DSE: variants seen among roughly 807,000 people sequenced by gnomAD.
DSE encodes dermatan sulfate epimerase.
Under a neutral mutation model 84.4 loss-of-function variants are expected in DSE, and 36 were observed. The ratio of observed to expected loss-of-function variants is 0.43; its 90% CI spans 0.33 to 0.56. The LOEUF is 0.56. DSE is among the 20% of genes least tolerant of loss of function. DSE has a pLI of 0.06. For synonymous variants in DSE, 410 were observed against 430.1 expected (o/e 0.95, Z 0.58); for missense variants, 862 against 1,169.6 (o/e 0.74, Z 3.84).
chr6:116,257,873 C>T (rs565028039), intron 1 of DSE, among the ~76,000 whole-genome samples: 4 of 152,252 alleles, frequency 2.6e-5, no homozygotes, highest in African/African-American at 9.6e-5. Context: ...GGGACAAAAA[C>T]ACTCAGTCTA....
chr6:116,277,636 G>A (rs1031015388), intron 2 of DSE: 1 of 151,404 alleles, frequency 6.6e-6, no homozygotes, highest in Admixed American at 6.6e-5. Flanking sequence ...AAATGTTTCT[G>A]AGCTATCACT....
intron 2 of DSE, chr6:116,279,000 GC>G: frequency 6.2e-7 from 1 of 1,614,158 alleles, no homozygotes; most frequent in Non-Finnish European, 8.5e-7. Flanking sequence ...TCATCCAGAA[GC>G]CCGGGATATT....
chr6:116,299,187 G>A (rs759244234), intron 2 of DSE, among the ~76,000 whole-genome samples: 8 of 152,196 alleles, frequency 5.3e-5, no homozygotes, highest in African/African-American at 1.9e-4. Flanking sequence ...TTTCTGATGT[G>A]ACCTAGAAAT....
intron 2 of DSE, among the ~76,000 whole-genome samples, chr6:116,334,418 C>T (rs1177602656): frequency 3.3e-5 from 5 of 152,190 alleles, no homozygotes; most frequent in African/African-American, 9.6e-5. Context: ...GCCCACATTT[C>T]ACAAACTATA....
At chr6:116,373,818 C>T (rs1175483956) in intron 1 of DSE, among the ~76,000 whole-genome samples, 1 of 152,034 alleles carries the variant, frequency 6.6e-6, no homozygotes, top group Non-Finnish European at 1.5e-5. Context: ...AATATTTATA[C>T]ATTTCTTAAT....
intron 1 of DSE, among the ~76,000 whole-genome samples, chr6:116,386,770 C>T (rs80333854): frequency 8.4e-4 from 128 of 152,246 alleles, no homozygotes; most frequent in African/African-American, 2.8e-3. Context: ...TCCAAGGGCT[C>T]GTCTCTCATG....
intron 1 of DSE, among the ~76,000 whole-genome samples, chr6:116,396,891 G>A (rs543496573): frequency 2.5e-4 from 38 of 152,294 alleles, no homozygotes; most frequent in African/African-American, 4.8e-4. Flanking sequence ...CCTTACCCAC[G>A]TTTGGGGAAG....
chr6:116,396,564 G>T (rs1781262388), intron 1 of DSE, among the ~76,000 whole-genome samples: 1 of 152,164 alleles, frequency 6.6e-6, no homozygotes, highest in South Asian at 2.1e-4. Flanking sequence ...TGACTCCCTT[G>T]CACGAATTCA....
chr6:116,351,039 A>G (rs955115374), intron 2 of DSE, among the ~76,000 whole-genome samples: 1 of 152,188 alleles, frequency 6.6e-6, no homozygotes, highest in Admixed American at 6.5e-5. Context: ...AAAGCTCCCA[A>G]ATTGACTAAT....
chr6:116,381,613 A>G (rs1398530281), intron 1 of DSE, among the ~76,000 whole-genome samples: 3 of 152,164 alleles, frequency 2.0e-5, no homozygotes. Context: ...CAAATTATAC[A>G]AGTAACTGCA....
rs1388437537 is a variant in DSE, at chr6:116,444,306, A to C, written c.*6961A>C. On this transcript the variant is annotated 3_prime_UTR_variant, in exon 6 of 6. Coordinates refer to ENST00000644252, the MANE Select transcript of DSE (RefSeq NM_013352.4). The stretch of plus-strand genomic sequence containing the variant: ...CACTGCCCTTAGGTGGCTCACTCTT[A>C]GAAGACACAAAGTCACTGGACTACA... 1 of 152,218 alleles carries C rather than the reference A, an allele frequency of 6.6e-6. No homozygotes were observed. The highest frequency in any genetic ancestry group is 1.5e-5 in the Non-Finnish European group (1 of 68,032). The allele number at this position is 152,218 out of a possible 1,614,324, so 9.4% of individuals were successfully genotyped here.
chr6:116,330,752 G>T, intron 2 of DSE, among the ~76,000 whole-genome samples: 1 of 152,124 alleles, frequency 6.6e-6, no homozygotes, highest in South Asian at 2.1e-4. Context: ...CTGATTTTAT[G>T]CCTTTTCAGA....
chr6:116,382,154 T>A (rs1780275583), intron 1 of DSE, among the ~76,000 whole-genome samples: 2 of 152,094 alleles, frequency 1.3e-5, no homozygotes, highest in Middle Eastern at 3.4e-3. Flanking sequence ...TCATCTTAAC[T>A]AATTAAATCT....
chr6:116,426,640 T>C lies in DSE; in HGVS notation c.483T>C (p.Ala161=). Reference sequence around the variant, plus strand: ...ACTCCCTGGTTGGTTTTGCCACTGCTTATGACTTCTTGTACAACTACCTGA... The same window carrying C: ...ACTCCCTGGTTGGTTTTGCCACTGCCTATGACTTCTTGTACAACTACCTGA... ...LAHSLVGFAT[A]YDFLYNYLSK... Residue 161 remains alanine, a synonymous_variant, in exon 3 of 6, where the codon GCT becomes GCC. Transcript: ENST00000644252. 1 of 1,614,084 alleles carries C rather than the reference T, an allele frequency of 6.2e-7. No homozygotes were observed.
intron 1 of DSE, among the ~76,000 whole-genome samples, chr6:116,394,311 G>A (rs1330130567): frequency 6.6e-6 from 1 of 152,184 alleles, no homozygotes; most frequent in Non-Finnish European, 1.5e-5. Context: ...ATAAAGATCT[G>A]CTTAAGGTAA....
In DSE at chr6:116,315,514, A is replaced by G. The variant is rs146368369; in HGVS notation, c.-54+56547A>G. On this transcript the variant is annotated intron_variant, in intron 2 of 3. Transcript: ENST00000430252. ...AATCGATGTTGAATGAATGAAGTAC[A>G]TAGATTAAGTAATTTATTAATGTTC... Among the ~76,000 whole-genome samples the G allele has an allele frequency of 1.6e-3, 237 of 152,290 alleles. 1 individual carries two copies. Among genetic ancestry groups the G allele is most frequent in the African/African-American group, 5.4e-3 (224 of 41,562 alleles).
intron 2 of DSE, among the ~76,000 whole-genome samples, chr6:116,347,555 T>A (rs1389954097): frequency 1.3e-5 from 2 of 152,216 alleles, no homozygotes; most frequent in African/African-American, 4.8e-5. Context: ...AGATTCCCTG[T>A]TTAATTAAGT....
Position 116,399,280 on chromosome 6 carries a change from T to G in DSE, c.30T>G (p.Ser10Arg), listed in dbSNP as rs1204927658. 6.2e-7 allele frequency: 1 copy of G among 1,613,876 alleles called. No individual in the cohort carries two copies. Among genetic ancestry groups the G allele is most frequent in the Non-Finnish European group, 8.5e-7 (1 of 1,180,040 alleles). The change falls in exon 2 of 6, where the codon AGT becomes AGG. Residue 10 changes from serine (S) to arginine (R), a missense_variant. Coordinates refer to ENST00000644252, the MANE Select transcript of DSE (RefSeq NM_013352.4). ...GGACTCACACACGGGGGGCTCCCAG[T>G]GTGTTTTTCATATATTTGCTTTGCT... MRTHTRGAP[S>R]VFFIYLLCFV... is the part of the protein sequence containing the mutation.
At chr6:116,299,502 T>TTA (rs1440825511) in intron 2 of DSE, among the ~76,000 whole-genome samples, 4 of 47,536 alleles carry the variant, frequency 8.4e-5, no homozygotes, top group African/African-American at 5.7e-4. Context: ...CTTGAATTAT[T>TTA]TTTATATATA....
Sources: gnomAD v4.1 joint callset for allele counts (sites outside exome capture counted in the v4.1 genomes callset) on GRCh38, gnomAD v4.1.1 for gene constraint, MANE v1.5 for transcripts, NCBI Gene and HGNC (gene_info 2026-07-23, HGNC 2026-07-21) for gene names.